Variants in ADAM23 observed in about 807,000 individuals in gnomAD.
The protein encoded by ADAM23 is disintegrin and metalloproteinase domain-containing protein 23.
In ADAM23, 33 loss-of-function variants were observed where a neutral mutation model predicts 120.1. That is an observed-to-expected ratio of 0.27 (90% confidence interval 0.21 to 0.37). The LOEUF (loss-of-function observed/expected upper bound fraction) is 0.37, where lower values mean the gene tolerates loss of function less well. ADAM23 is among the 10% of genes least tolerant of loss of function. The pLI, the probability that ADAM23 is intolerant of heterozygous loss-of-function variation, is 1.00. For missense variants in ADAM23, 862 were observed against 1,058.2 expected, an observed-to-expected ratio of 0.81 and a Z score of 2.57; for synonymous variants, 367 against 375.2, an observed-to-expected ratio of 0.98 and a Z score of 0.25.
At chr2:206,476,235 C>T (rs2105873316) in intron 2 of ADAM23, among the ~76,000 whole-genome samples, 1 of 152,276 alleles carries the variant, frequency 6.6e-6, no homozygotes, top group Admixed American at 6.5e-5. Context: ...ATTGATATTC[C>T]ACTTTGGGCA....
chr2:206,457,603 A>G (rs1214118029), intron 2 of ADAM23, among the ~76,000 whole-genome samples: 1 of 152,086 alleles, frequency 6.6e-6, no homozygotes, highest in Non-Finnish European at 1.5e-5. Flanking sequence ...TGAGTACTCC[A>G]GATAAATAAC....
chr2:206,598,881 T>C (rs34912603), intron 24 of ADAM23, among the ~76,000 whole-genome samples: 14,251 of 137,196 alleles, frequency 0.1, 713 homozygotes, highest in Middle Eastern at 0.17. Flanking sequence ...GCCTGGGTGA[T>C]AGAGTGAGAC....
At chr2:206,501,734 G>A (rs965199721) in intron 3 of ADAM23, among the ~76,000 whole-genome samples, 6 of 152,050 alleles carry the variant, frequency 3.9e-5, no homozygotes, top group Admixed American at 1.3e-4. Context: ...TTTGCAAGGT[G>A]ATAGCAATCT....
intron 12 of ADAM23, 42 bp downstream of exon 12, chr2:206,561,254 C>T (rs753890587): frequency 1.3e-6 from 2 of 1,544,116 alleles, no homozygotes; most frequent in East Asian, 2.3e-5. Flanking sequence ...CATCTGTTCT[C>T]TTTTTTCCCT....
At chr2:206,560,900 G>A (rs1259221473) in intron 11 of ADAM23, among the ~76,000 whole-genome samples, 2 of 152,182 alleles carry the variant, frequency 1.3e-5, no homozygotes, top group African/African-American at 4.8e-5. Flanking sequence ...TCCTGTGCTA[G>A]TACATGATGC....
intron 25 of ADAM23, among the ~76,000 whole-genome samples, chr2:206,610,213 T>A (rs1698801316): frequency 6.6e-6 from 1 of 152,214 alleles, no homozygotes; most frequent in Non-Finnish European, 1.5e-5. Context: ...GGAATTCATA[T>A]ACACTGATTT....
chr2:206,617,490 CATT>C (rs1698956387), intron 25 of ADAM23, 86 bp from the exon 26 acceptor site: 32 of 1,404,984 alleles, frequency 2.3e-5, no homozygotes, highest in Non-Finnish European at 2.8e-5. Context: ...GCATTATTGT[CATT>C]ATCATCACCA....
chr2:206,500,583 A>C (rs1485887422), intron 3 of ADAM23, among the ~76,000 whole-genome samples: 1 of 152,182 alleles, frequency 6.6e-6, no homozygotes, highest in Non-Finnish European at 1.5e-5. Flanking sequence ...CCTTTCACAG[A>C]GAAGCATGGA....
In ADAM23 at chr2:206,588,142, A is replaced by G; in HGVS notation, c.1840A>G (p.Ile614Val). The G allele has an allele frequency of 1.9e-6, 3 of 1,614,064 alleles. No homozygotes were observed. The highest frequency in any genetic ancestry group is 2.2e-5 in the South Asian group (2 of 91,078). The change falls in exon 20 of 26, where the codon ATC (isoleucine) becomes GTC (valine). Residue 614 changes from isoleucine (I) to valine (V), a missense_variant. Coordinates refer to ENST00000264377, the MANE Select transcript of ADAM23 (RefSeq NM_003812.4). ...GACCAGAGACAACCAGTGTCAGTAC[A>G]TCTGGGGAACAAGTAGGTCGCACCT... ...CKTRDNQCQY[I>V]WGTKAAGSDK...
intron 3 of ADAM23, among the ~76,000 whole-genome samples, chr2:206,524,982 C>T (rs933351823): frequency 1.8e-4 from 27 of 152,186 alleles, no homozygotes; most frequent in African/African-American, 6.0e-4. Flanking sequence ...CCATGTAGAA[C>T]TCGATGTGTA....
In ADAM23 at chr2:206,497,483, G is replaced by T. The variant is rs1030254304; in HGVS notation, c.509+16175G>T. Among the ~76,000 whole-genome samples the T allele has an allele frequency of 1.4e-4, 22 of 152,126 alleles. 1 individual carries two copies. Among genetic ancestry groups the T allele is most frequent in the African/African-American group, 5.1e-4 (21 of 41,430 alleles). On this transcript the variant is annotated intron_variant, in intron 3 of 25. Transcript: ENST00000264377. ...CATGCTAAAAATTCTCAATAAATTA[G>T]GTATCGATGGGACATATCTCAAAAT... is the stretch of plus-strand genomic sequence containing the variant.
At chr2:206,587,452 A>G in intron 19 of ADAM23, 77 bp downstream of exon 19, 1 of 1,163,660 alleles carries the variant, frequency 8.6e-7, no homozygotes, top group Non-Finnish European at 1.2e-6. Context: ...TTTGATAAAT[A>G]TTAATATAAC....
intron 24 of ADAM23, among the ~76,000 whole-genome samples, chr2:206,604,627 AT>A (rs1698698646): frequency 6.6e-6 from 1 of 152,170 alleles, no homozygotes; most frequent in Non-Finnish European, 1.5e-5. Flanking sequence ...TCTCCCTCAC[AT>A]TATTATCTTG....
At chr2:206,508,259 C>T (rs563594318) in intron 3 of ADAM23, among the ~76,000 whole-genome samples, 2 of 152,276 alleles carry the variant, frequency 1.3e-5, no homozygotes, top group African/African-American at 2.4e-5. Context: ...TTGATCTGAC[C>T]TCGTGATCCG....
intron 4 of ADAM23, among the ~76,000 whole-genome samples, chr2:206,532,843 T>A (rs1697095608): frequency 6.6e-6 from 1 of 152,142 alleles, no homozygotes; most frequent in Admixed American, 6.5e-5. Flanking sequence ...TCCGAATAAC[T>A]TCAAGGGAAG....
chr2:206,491,658 A>G (rs1016707926), intron 3 of ADAM23, among the ~76,000 whole-genome samples: 14 of 152,348 alleles, frequency 9.2e-5, no homozygotes, highest in African/African-American at 3.1e-4. Context: ...AGAGAATTAG[A>G]TGTGACCAAG....
At chr2:206,479,285 C>T (rs1053513740) in intron 2 of ADAM23, among the ~76,000 whole-genome samples, 7 of 152,134 alleles carry the variant, frequency 4.6e-5, no homozygotes, top group African/African-American at 1.7e-4. Flanking sequence ...AGTGTTTGTA[C>T]TTGTCACATC....
intron 25 of ADAM23, among the ~76,000 whole-genome samples, chr2:206,610,494 A>G (rs549617992): frequency 1.2e-4 from 18 of 152,362 alleles, no homozygotes; most frequent in African/African-American, 4.1e-4. Context: ...TTATAGTTTA[A>G]TGAAAACAGA....
chr2:206,542,736 TG>T (rs1697318749), intron 5 of ADAM23, among the ~76,000 whole-genome samples: 1 of 152,240 alleles, frequency 6.6e-6, no homozygotes, highest in Admixed American at 6.5e-5. Flanking sequence ...AAATGTAATT[TG>T]TATGACATAG....
Sources: allele counts gnomAD v4.1 joint callset (sites outside exome capture counted in the v4.1 genomes callset), GRCh38; gene constraint gnomAD v4.1.1; transcripts MANE v1.5; gene names NCBI Gene and HGNC (gene_info 2026-07-23, HGNC 2026-07-21).